ATG2B: variants seen among roughly 807,000 people sequenced by gnomAD.
The protein encoded by ATG2B is autophagy-related protein 2 homolog B.
In ATG2B, 121 loss-of-function variants were observed where a neutral mutation model predicts 241.3. The ratio of observed to expected loss-of-function variants is 0.50; its 90% confidence interval spans 0.43 to 0.58. The LOEUF (loss-of-function observed/expected upper bound fraction) is 0.58, where lower values mean the gene tolerates loss of function less well. Ranked by LOEUF, ATG2B falls within the 20% of genes least tolerant of loss-of-function variation. ATG2B has a pLI of 0.00. For missense variants in ATG2B, 2,306 were observed against 2,491.6 expected, an observed-to-expected ratio of 0.93 and a Z score of 1.59; for synonymous variants, 858 against 876.6, an observed-to-expected ratio of 0.98 and a Z score of 0.37.
Position 96,316,270 on chromosome 14 carries a change from A to G in ATG2B, c.3361+263T>C, listed in dbSNP as rs141818083. 6.7e-4 allele frequency among the ~76,000 whole-genome samples: 102 copies of G among 152,324 alleles called. 1 individual carries two copies. The highest frequency in any genetic ancestry group is 2.3e-3 in the African/African-American group (97 of 41,584). ...TAAAATTGACTATGGTGACGGTTGC[A>G]TAACTCTTGTGAAATACTAAAAACC... On this transcript the variant is annotated intron_variant, in intron 21 of 41. Coordinates refer to ENST00000359933, the MANE Select transcript of ATG2B (RefSeq NM_018036.7).
At chr14:96,346,452 C>T (rs938742348) in intron 2 of ATG2B, among the ~76,000 whole-genome samples, 8 of 152,082 alleles carry the variant, frequency 5.3e-5, no homozygotes, top group Admixed American at 1.3e-4. Flanking sequence ...AAATTAAATG[C>T]CAGATTACTA....
Position 96,348,778 on chromosome 14 carries a change from T to C in ATG2B, c.163-1437A>G, listed in dbSNP as rs192535114. Among the ~76,000 whole-genome samples the C allele has an allele frequency of 9.7e-4, 147 of 152,306 alleles. 1 individual carries two copies. Among genetic ancestry groups the C allele is most frequent in the African/African-American group, 3.3e-3 (139 of 41,566 alleles). On this transcript the variant is annotated intron_variant, in intron 1 of 41. Coordinates refer to ENST00000359933, the MANE Select transcript of ATG2B (RefSeq NM_018036.7). ...TATCTAAAAGAGCACAACTGAATTA[T>C]ATGTAACACAAAGGATAAATGCTTG...
At chr14:96,339,400 T>C (rs1484415951) in intron 6 of ATG2B, among the ~76,000 whole-genome samples, 2 of 151,894 alleles carry the variant, frequency 1.3e-5, no homozygotes, top group Non-Finnish European at 2.9e-5. Context: ...CATGTGTATA[T>C]ATGTATGTGG....
In ATG2B at chr14:96,345,507, T is replaced by G. The variant is rs1464293920; in HGVS notation, c.326-122A>C. 2.2e-5 allele frequency: 14 copies of G among 634,666 alleles called. No individual in the cohort carries two copies. In the South Asian group the frequency reaches 3.9e-4, roughly 18 times the overall value. The allele number at this position is 634,666 out of a possible 1,614,324, so 39.3% of individuals were successfully genotyped here. The stretch of plus-strand genomic sequence containing the variant: ...TTTTAAGAGATTTTTAACATCATGA[T>G]GTTACCCAGGTAAACAATATTCTAG... On this transcript the variant is annotated intron_variant, in intron 2 of 41. Transcript: ENST00000359933.
chr14:96,341,040 T>C (rs1413715868), intron 6 of ATG2B, among the ~76,000 whole-genome samples: 4 of 152,092 alleles, frequency 2.6e-5, no homozygotes, highest in African/African-American at 4.8e-5. Context: ...ACAAATATTA[T>C]ACAACTATAT....
rs1886247504 is a variant in ATG2B, at chr14:96,283,301, A to AT, written c.*2453_*2454insA. The AT allele has an allele frequency of 2.2e-5, 1 of 45,936 alleles. No homozygotes were observed. Among genetic ancestry groups the AT allele is most frequent in the Admixed American group, 1.9e-4 (1 of 5,206 alleles). 2.8% of individuals were successfully genotyped at this position (45,936 alleles called of 1,614,324 possible). ...GATCTACTCTAGTCAGAAGCATGACACCAACCCAACCACCCAGGCACAGTG... is the reference window on the plus strand; with the variant it reads ...GATCTACTCTAGTCAGAAGCATGACATCCAACCCAACCACCCAGGCACAGTG... On this transcript the variant is annotated 3_prime_UTR_variant, in exon 42 of 42. Transcript: ENST00000359933.
intron 22 of ATG2B, 27 bp from the exon 23 acceptor site, chr14:96,315,261 A>G: frequency 6.2e-7 from 1 of 1,601,088 alleles, no homozygotes; most frequent in Non-Finnish European, 8.6e-7. Context: ...AAAGAATGAC[A>G]TTTACCACCT....
At chr14:96,344,567 C>A in intron 4 of ATG2B, 87 bp downstream of exon 4, 1 of 592,478 alleles carries the variant, frequency 1.7e-6, no homozygotes. Flanking sequence ...ATTTTCATAT[C>A]ATTAGCTCTA....
At chr14:96,331,230 C>T in intron 11 of ATG2B, 146 bp downstream of exon 11, 1 of 794,512 alleles carries the variant, frequency 1.3e-6, no homozygotes, top group Non-Finnish European at 2.0e-6. Flanking sequence ...GAAAACTTCA[C>T]TCATTCCATT....
chr14:96,290,765 T>C lies in ATG2B; in HGVS notation c.5701+49A>G. On this transcript the variant is annotated intron_variant, in intron 39 of 41. Coordinates refer to ENST00000359933, the MANE Select transcript of ATG2B (RefSeq NM_018036.7). The surrounding 1 kb of genome is among the most constrained non-coding windows in gnomAD (Gnocchi z 4.4). The stretch of plus-strand genomic sequence containing the variant: ...AAGTTCTCAAAGGGATAAGAATTAC[T>C]CATCTGAAAAAATAACTTATCTTTT... 6.3e-7 allele frequency: 1 copy of C among 1,586,460 alleles called. No individual in the cohort carries two copies. Among genetic ancestry groups the C allele is most frequent in the Non-Finnish European group, 8.6e-7 (1 of 1,166,980 alleles).
chr14:96,297,803 A>G (rs1236449583), intron 34 of ATG2B, among the ~76,000 whole-genome samples: 2 of 151,468 alleles, frequency 1.3e-5, no homozygotes, highest in African/African-American at 4.9e-5. Context: ...ATTTTATTTT[A>G]TTTTACAGAT....
rs114577298 is a variant in ATG2B at position 96,345,136 on chromosome 14, C to T, written c.478+97G>A. The T allele has an allele frequency of 3.3e-4, 280 of 849,298 alleles. No individual in the cohort carries two copies. The African/African-American group carries it at 4.6e-3, about 14-fold the overall frequency. The allele number at this position is 849,298 out of a possible 1,614,324, so 52.6% of individuals were successfully genotyped here. A position where few individuals can be genotyped will look rare whatever the true frequency, so the allele number is the denominator to read the frequency against. On this transcript the variant is annotated intron_variant, in intron 3 of 41. Coordinates refer to ENST00000359933, the MANE Select transcript of ATG2B (RefSeq NM_018036.7). ...GGGAACAGTAATTCTTTTAAAAATC[C>T]ATTCCAATGGATTTGCCTTATACAA...
Position 96,315,569 on chromosome 14 carries a change from C to T in ATG2B, c.3376G>A (p.Val1126Met), listed in dbSNP as rs910782602. 3 of 1,613,518 alleles carry T rather than the reference C, an allele frequency of 1.9e-6. No homozygotes were observed. The South Asian group carries it at 3.3e-5, about 18-fold the overall frequency. Residue 1126 changes from valine to methionine, a missense_variant, in exon 22 of 42, where the codon GTG becomes ATG. This residue lies in a region of ATG2B where 1,927 missense variants were observed against 2,011.2 expected (regional missense o/e 0.96). Coordinates refer to ENST00000359933, the MANE Select transcript of ATG2B (RefSeq NM_018036.7). ...SLYHKGIVNG[V>M]ILPTETRLPS... ...AGTCGTGTTTCTGTCGGGAGAATCA[C>T]TCCATTCACTATGCCTAGAGATCCA...
rs1887961604 is a variant in ATG2B, at chr14:96,339,707, T to C, written c.924+1815A>G. Among the ~76,000 whole-genome samples the C allele has an allele frequency of 3.3e-5, 5 of 152,006 alleles. No individual in the cohort carries two copies. In the South Asian group the frequency reaches 8.3e-4, roughly 25 times the overall value. ...AAACATACAGAGGTATATAATGGAC[T>C]GTAGGGACTCAGGAGGAGGGGAGGT... On this transcript the variant is annotated intron_variant, in intron 6 of 41. Transcript: ENST00000359933.
chr14:96,308,270 A>ATATATATATG (rs71103512), intron 29 of ATG2B, among the ~76,000 whole-genome samples: 4,334 of 27,744 alleles, frequency 0.16, 409 homozygotes, highest in Non-Finnish European at 0.2. Flanking sequence ...ATATATATAT[A>ATATATATATG]TATATATATA....
Position 96,328,410 on chromosome 14 carries a change from T to C in ATG2B, c.2100A>G (p.Lys700=), listed in dbSNP as rs1247258673. ...DRLNSLLQPQ[K]LATVEMMASH... is the part of the protein sequence containing the mutation. The stretch of plus-strand genomic sequence containing the variant: ...ATGCCATCATCTCTACTGTGGCAAG[T>C]TTCTGTGGTTGAAGCAAGGAATTTA... The change falls in exon 14 of 42, where the codon AAA becomes AAG. Residue 700 remains lysine (K), a synonymous_variant. Transcript: ENST00000359933. The C allele has an allele frequency of 6.2e-7, 1 of 1,613,728 alleles. No homozygotes were observed. The highest frequency in any genetic ancestry group is 1.7e-5 in the Admixed American group (1 of 59,990).
At chr14:96,357,477 GCC>G (rs1388084970) in intron 1 of ATG2B, among the ~76,000 whole-genome samples, 1 of 151,864 alleles carries the variant, frequency 6.6e-6, no homozygotes, top group African/African-American at 2.4e-5. Context: ...TGGATCTAAA[GCC>G]CCCACATTCT....
intron 38 of ATG2B, 80 bp downstream of exon 38, chr14:96,291,520 T>C (rs2139837021): frequency 9.4e-7 from 1 of 1,061,148 alleles, no homozygotes; most frequent in East Asian, 2.4e-5. Context: ...GTATGCATGC[T>C]AAGAAAACTC....
chr14:96,358,584 C>T (rs1439594051), intron 1 of ATG2B, among the ~76,000 whole-genome samples: 1 of 152,132 alleles, frequency 6.6e-6, no homozygotes, highest in Non-Finnish European at 1.5e-5. Flanking sequence ...AGTCTTATAA[C>T]CACTTGAGCA....
Sources: gnomAD v4.1 joint callset for allele counts (sites outside exome capture counted in the v4.1 genomes callset) on GRCh38, gnomAD v4.1.1 for gene constraint, gnomAD v4.1.1 regional missense constraint, Gnocchi (gnomAD v3.1) non-coding constraint, MANE v1.5 for transcripts, NCBI Gene and HGNC (gene_info 2026-07-23, HGNC 2026-07-21) for gene names.